NCAM1: variants seen among roughly 807,000 people sequenced by gnomAD.
NCAM1 encodes the protein neural cell adhesion molecule 1.
Under a neutral mutation model 109.8 loss-of-function variants are expected in NCAM1, and 14 were observed. The ratio of observed to expected loss-of-function variants is 0.13; its 90% confidence interval spans 0.08 to 0.20. The LOEUF is 0.20. Ranked by LOEUF, NCAM1 falls within the 10% of genes least tolerant of loss-of-function variation. The probability of loss-of-function intolerance (pLI) is 1.00; values close to 1 mark genes in which losing one functional copy is unlikely to be tolerated. For missense variants in NCAM1, 774 were observed against 1,109.9 expected, an observed-to-expected ratio of 0.70 and a Z score of 4.30; for synonymous variants, 418 against 442.9, an observed-to-expected ratio of 0.94 and a Z score of 0.70.
intron 1 of NCAM1, among the ~76,000 whole-genome samples, chr11:113,145,317 T>C (rs1354270202): frequency 6.6e-6 from 1 of 152,172 alleles, no homozygotes; most frequent in East Asian, 1.9e-4. Flanking sequence ...TCCCTAAATA[T>C]AAAAAGCACA....
intron 1 of NCAM1, among the ~76,000 whole-genome samples, chr11:113,177,192 G>A (rs1943181661): frequency 6.6e-6 from 1 of 152,122 alleles, no homozygotes; most frequent in South Asian, 2.1e-4. Context: ...TGTTCTCAGT[G>A]CTGGTGTTGA....
At position 113,263,846 on chromosome 11, in the gene NCAM1, G is replaced by A. The variant is rs1000090738; in HGVS notation, c.2131+3523G>A. Reference sequence around the variant, plus strand: ...TGGCCTGTGTGTGCTCAGTAGAGAAGGAGAGGGACAGGCCACTCCCAGACT... The same window carrying A: ...TGGCCTGTGTGTGCTCAGTAGAGAAAGAGAGGGACAGGCCACTCCCAGACT... On this transcript the variant is annotated intron_variant, in intron 17 of 19. Transcript: ENST00000316851. 4.1e-6 allele frequency: 4 copies of A among 985,408 alleles called. No homozygotes were observed. The African/African-American group carries it at 7.0e-5, about 17-fold the overall frequency. The allele number at this position is 985,408 out of a possible 1,614,324, so 61.0% of individuals were successfully genotyped here. A position where few individuals can be genotyped will look rare whatever the true frequency, so the allele number is the denominator to read the frequency against.
chr11:113,207,148 C>G lies in NCAM1; in HGVS notation c.629-113C>G, dbSNP rs184079780. On this transcript the variant is annotated intron_variant, in intron 5 of 19. Coordinates refer to ENST00000316851, the MANE Select transcript of NCAM1 (RefSeq NM_181351.5). ...CTGACACTAACTCTGTAGCTGCACACGACGTTTGTCCCACAGGCTGAGAAC... is the reference window on the plus strand; with the variant it reads ...CTGACACTAACTCTGTAGCTGCACAGGACGTTTGTCCCACAGGCTGAGAAC... 4.2e-3 allele frequency: 3,050 copies of G among 729,316 alleles called. 53 individuals are homozygous for G. The highest frequency in any genetic ancestry group is 0.026 in the South Asian group (1,485 of 56,654). The allele number at this position is 729,316 out of a possible 1,614,324, so 45.2% of individuals were successfully genotyped here.
chr11:113,241,279 T>C (rs1419462024), intron 14 of NCAM1, among the ~76,000 whole-genome samples: 1 of 152,236 alleles, frequency 6.6e-6, no homozygotes, highest in Non-Finnish European at 1.5e-5. Context: ...TGAAATTAGA[T>C]AGGGAGGCCT....
At chr11:113,178,414 T>C (rs1943233277) in intron 1 of NCAM1, among the ~76,000 whole-genome samples, 2 of 152,182 alleles carry the variant, frequency 1.3e-5, no homozygotes, top group African/African-American at 4.8e-5. Context: ...GAGAGATGAT[T>C]TGGAGTTCCG....
chr11:113,259,993 C>T, intron 16 of NCAM1, 153 bp from the exon 17 acceptor site: 1 of 638,014 alleles, frequency 1.6e-6, no homozygotes. Flanking sequence ...GCATGAGCCA[C>T]CGCGCCCACC....
At chr11:113,208,359 A>G (rs1038798005) in intron 7 of NCAM1, among the ~76,000 whole-genome samples, 42 of 152,138 alleles carry the variant, frequency 2.8e-4, no homozygotes, top group Non-Finnish European at 1.5e-5. Flanking sequence ...AAGACCAGAG[A>G]TGAACTAGCT....
intron 17 of NCAM1, chr11:113,265,114 C>T: frequency 1.0e-6 from 1 of 985,354 alleles, no homozygotes; most frequent in Non-Finnish European, 1.2e-6. Flanking sequence ...AATAAGAATG[C>T]TAACATTGTT....
chr11:113,188,934 G>T (rs1943594625), intron 1 of NCAM1, among the ~76,000 whole-genome samples: 1 of 152,120 alleles, frequency 6.6e-6, no homozygotes, highest in African/African-American at 2.4e-5. Flanking sequence ...GCCAGGCAGA[G>T]TCACCGTGGT....
chr11:113,061,978 C>T, intron 1 of NCAM1, among the ~76,000 whole-genome samples: 1 of 152,142 alleles, frequency 6.6e-6, no homozygotes, highest in East Asian at 1.9e-4. Flanking sequence ...GTTGCTGTCA[C>T]ATCCAGAAAA....
chr11:113,214,713 T>C (rs1591425571), intron 8 of NCAM1, among the ~76,000 whole-genome samples: 1 of 152,126 alleles, frequency 6.6e-6, no homozygotes, highest in South Asian at 2.1e-4. Context: ...GCACAATTCC[T>C]TGGATAGGTT....
At chr11:113,007,963 G>C (rs1296066002) in intron 1 of NCAM1, among the ~76,000 whole-genome samples, 1 of 152,168 alleles carries the variant, frequency 6.6e-6, no homozygotes, top group Non-Finnish European at 1.5e-5. Context: ...ATGTGTCTGT[G>C]TATAAAATAA....
At chr11:113,051,112 G>A (rs1953469883) in intron 1 of NCAM1, among the ~76,000 whole-genome samples, 1 of 152,316 alleles carries the variant, frequency 6.6e-6, no homozygotes, top group Admixed American at 6.5e-5. Context: ...ACTAGGTCAT[G>A]TGCATTTTTC....
chr11:113,207,026 C>A (rs1944258100), intron 5 of NCAM1, among the ~76,000 whole-genome samples: 1 of 152,192 alleles, frequency 6.6e-6, no homozygotes, highest in African/African-American at 2.4e-5. Flanking sequence ...AAATGTATTA[C>A]TATAGCTTCT....
At chr11:113,055,970 G>C (rs571275797) in intron 1 of NCAM1, among the ~76,000 whole-genome samples, 366 of 80,304 alleles carry the variant, frequency 4.6e-3, no homozygotes, top group African/African-American at 0.016. Flanking sequence ...AATGGATAAA[G>C]AAAATGTGAT....
chr11:113,156,297 C>A (rs1942406971), intron 1 of NCAM1, among the ~76,000 whole-genome samples: 1 of 152,032 alleles, frequency 6.6e-6, no homozygotes, highest in Non-Finnish European at 1.5e-5. Context: ...CTGTGTGGGG[C>A]ATGTTGAGTT....
At chr11:113,153,844 C>T (rs1199679297) in intron 1 of NCAM1, among the ~76,000 whole-genome samples, 1 of 152,176 alleles carries the variant, frequency 6.6e-6, no homozygotes, top group Non-Finnish European at 1.5e-5. Context: ...CTGTGTGACA[C>T]ATTGAGAAAG....
chr11:112,974,944 T>C (rs1950969315), intron 1 of NCAM1, among the ~76,000 whole-genome samples: 1 of 152,020 alleles, frequency 6.6e-6, no homozygotes, highest in Admixed American at 6.6e-5. Context: ...TTCTAATTGC[T>C]AAAGTCCAAA....
chr11:112,981,019 T>A (rs1176476982), intron 1 of NCAM1, among the ~76,000 whole-genome samples: 4 of 151,756 alleles, frequency 2.6e-5, no homozygotes, highest in Non-Finnish European at 1.5e-5. Flanking sequence ...CTGGGGAAAA[T>A]TTTCCCTTTT....
Sources: gnomAD v4.1 joint callset for allele counts (sites outside exome capture counted in the v4.1 genomes callset) on GRCh38, gnomAD v4.1.1 for gene constraint, MANE v1.5 for transcripts, NCBI Gene and HGNC (gene_info 2026-07-23, HGNC 2026-07-21) for gene names.